Variants in TRIM37 observed in about 807,000 individuals in gnomAD.
TRIM37 encodes E3 ubiquitin-protein ligase TRIM37.
A neutral mutation model predicts 129.8 loss-of-function variants in TRIM37; 80 were observed. The observed-to-expected ratio is 0.62, with a 90% confidence interval of 0.51 to 0.74. TRIM37 has a LOEUF of 0.74. TRIM37 is among the 30% of genes least tolerant of loss of function. The pLI, the probability that TRIM37 is intolerant of heterozygous loss-of-function variation, is 0.00. For missense variants in TRIM37, 1,054 were observed against 1,176.5 expected, an observed-to-expected ratio of 0.90 and a Z score of 1.52; for synonymous variants, 389 against 387.1, an observed-to-expected ratio of 1.00 and a Z score of -0.06.
chr17:59,047,764 T>C lies in TRIM37; in HGVS notation c.1586A>G (p.Asn529Ser), dbSNP rs1344195709. 6.2e-7 allele frequency: 1 copy of C among 1,614,092 alleles called. No individual in the cohort carries two copies. The highest frequency in any genetic ancestry group is 1.7e-5 in the Admixed American group (1 of 60,012). Residue 529 changes from asparagine (N) to serine (S), a missense_variant, in exon 16 of 24, where the codon AAT becomes AGT. Asn to Ser is a conservative substitution (Grantham distance 46). Transcript: ENST00000262294. ...DLDLVYEDEV[N>S]QLDGSSSSAS... The stretch of plus-strand genomic sequence containing the variant: ...AGAGGAACTGCTGCCATCGAGCTGA[T>C]TTACTTCATCCTCATAAACAAGATC...
At chr17:59,090,662 G>A (rs953329271) in intron 3 of TRIM37, among the ~76,000 whole-genome samples, 16 of 151,880 alleles carry the variant, frequency 1.1e-4, no homozygotes, top group Admixed American at 3.3e-4. Context: ...GTGCAGTGGC[G>A]TGACCTTGGC....
At chr17:58,978,183 G>C (rs1242591106), downstream of TRIM37, among the ~76,000 whole-genome samples, 2 of 152,234 alleles carry the variant, frequency 1.3e-5, no homozygotes, top group African/African-American at 4.8e-5. Context: ...ATTGATGAGA[G>C]TTGTGTAGGT....
At chr17:58,999,498 A>G (rs1178367754) in intron 23 of TRIM37, 39 bp from the exon 24 acceptor site, 2 of 1,524,234 alleles carry the variant, frequency 1.3e-6, no homozygotes, top group Non-Finnish European at 1.8e-6. Flanking sequence ...AAAATTTAAA[A>G]GCATATAACA....
intron 4 of TRIM37, among the ~76,000 whole-genome samples, chr17:59,087,709 T>A (rs1022444094): frequency 6.6e-5 from 10 of 152,098 alleles, no homozygotes; most frequent in African/African-American, 2.4e-4. Flanking sequence ...CTACAGAAAG[T>A]GACAAGGCTT....
At chr17:59,007,231 C>CCACACCCACACACACACACACACACA (rs2034646381) in intron 22 of TRIM37, among the ~76,000 whole-genome samples, 1 of 97,500 alleles carries the variant, frequency 1.0e-5, no homozygotes, top group African/African-American at 4.1e-5. Context: ...CCCCACCCAC[C>CCACACCCACACACACACACACACACA]CACACACACA....
the TRIM37 span, chr17:58,969,814 C>A: frequency 1.6e-6 from 2 of 1,275,140 alleles, no homozygotes; most frequent in Non-Finnish European, 2.2e-6. Context: ...TTTAGATTTT[C>A]TCTTTCTGGG....
chr17:59,069,700 T>G (rs2146728921), intron 9 of TRIM37, among the ~76,000 whole-genome samples: 2 of 152,286 alleles, frequency 1.3e-5, no homozygotes. Context: ...TCTCCCCAAA[T>G]TCCCATGTTA....
intron 8 of TRIM37, among the ~76,000 whole-genome samples, chr17:59,071,283 CTTTTTT>C (rs962225941): frequency 8.2e-6 from 1 of 121,338 alleles, no homozygotes; most frequent in Admixed American, 8.5e-5. Flanking sequence ...AAGTTGAAAG[CTTTTTT>C]TTTTTTTTTT....
intron 16 of TRIM37, among the ~76,000 whole-genome samples, chr17:59,047,424 T>A (rs1325015186): frequency 2.0e-5 from 3 of 152,178 alleles, no homozygotes; most frequent in Non-Finnish European, 4.4e-5. Context: ...AAAATATTCA[T>A]AGGGAATGAA....
intron 22 of TRIM37, among the ~76,000 whole-genome samples, chr17:59,005,889 T>G (rs935547137): frequency 2.3e-4 from 35 of 152,294 alleles, no homozygotes; most frequent in African/African-American, 7.5e-4. Context: ...AACGGCGATA[T>G]TTATAATGAG....
chr17:58,973,951 CAAAAAAAAAAAAAAAA>C, the TRIM37 span, among the ~76,000 whole-genome samples: 1 of 55,468 alleles, frequency 1.8e-5, no homozygotes, highest in South Asian at 8.5e-4. Context: ...GACTCCATCT[CAAAAAAAAAAAAAAAA>C]AAAAAAAAAA....
chr17:58,980,318 AAGG>A (rs1194259294), downstream of TRIM37: 3 of 1,614,160 alleles, frequency 1.9e-6, no homozygotes, highest in Non-Finnish European at 2.5e-6. This position sits in a 1 kb window ranked among gnomAD's most constrained non-coding sequence, Gnocchi z 4.7. Context: ...TGGGGATGAT[AAGG>A]AGAATCATGG....
chr17:58,980,270 T>C, downstream of TRIM37: 1 of 1,614,168 alleles, frequency 6.2e-7, no homozygotes, highest in Non-Finnish European at 8.5e-7. This position sits in a 1 kb window ranked among gnomAD's most constrained non-coding sequence, Gnocchi z 4.7. Flanking sequence ...GGAATCAGAT[T>C]GGACAGAGAA....
chr17:58,980,083 C>T (rs151205066), downstream of TRIM37: 331 of 1,613,964 alleles, frequency 2.1e-4, 5 homozygotes, highest in Non-Finnish European at 1.9e-4. This position sits in a 1 kb window ranked among gnomAD's most constrained non-coding sequence, Gnocchi z 4.7. Context: ...TCTATGACAC[C>T]GTGAACCCTG....
chr17:59,089,414 G>A (rs149840800), intron 3 of TRIM37, among the ~76,000 whole-genome samples: 4,256 of 152,210 alleles, frequency 0.028, 165 homozygotes, highest in African/African-American at 0.086. Flanking sequence ...AGGCCACAGC[G>A]GGTGGATCAC....
chr17:59,086,599 C>A (rs529363546), intron 4 of TRIM37, among the ~76,000 whole-genome samples: 2 of 152,154 alleles, frequency 1.3e-5, no homozygotes, highest in East Asian at 3.9e-4. Flanking sequence ...AGAGAAAATA[C>A]TTACATAAGT....
chr17:59,049,134 T>C, intron 15 of TRIM37, 44 bp downstream of exon 15: 1 of 1,522,742 alleles, frequency 6.6e-7, no homozygotes, highest in Non-Finnish European at 9.1e-7. Context: ...GCTACTGTTT[T>C]TTTTTAATCA....
chr17:59,091,419 A>G (rs1309383944), intron 2 of TRIM37, 79 bp from the exon 3 acceptor site: 2 of 302,272 alleles, frequency 6.6e-6, no homozygotes, highest in Non-Finnish European at 1.1e-5. Context: ...TTATATTTAT[A>G]TATAATATAT....
chr17:59,026,098 C>A (rs925865332), intron 19 of TRIM37, among the ~76,000 whole-genome samples: 2 of 152,054 alleles, frequency 1.3e-5, no homozygotes, highest in African/African-American at 4.8e-5. Flanking sequence ...ACAAAGAGAA[C>A]CCAGAAACAA....
Sources: gnomAD v4.1 joint callset for allele counts (sites outside exome capture counted in the v4.1 genomes callset) on GRCh38, gnomAD v4.1.1 for gene constraint, Gnocchi (gnomAD v3.1) non-coding constraint, MANE v1.5 for transcripts, NCBI Gene and HGNC (gene_info 2026-07-23, HGNC 2026-07-21) for gene names.